Variants in WIPF1 observed in about 807,000 individuals in gnomAD.
WIPF1 encodes WAS/WASL interacting protein family member 1.
Under a neutral mutation model 35.4 loss-of-function variants are expected in WIPF1, and 13 were observed. The ratio of observed to expected loss-of-function variants is 0.37; its 90% confidence interval spans 0.24 to 0.58. The LOEUF (loss-of-function observed/expected upper bound fraction) is 0.58. Ranked by LOEUF, WIPF1 falls within the 20% of genes least tolerant of loss-of-function variation. The pLI, the probability that WIPF1 is intolerant of heterozygous loss-of-function variation, is 0.74. For synonymous variants in WIPF1, 267 were observed against 266.3 expected (o/e 1.00, Z -0.02); for missense variants, 591 against 667.0 (o/e 0.89, Z 1.25).
chr2:174,660,358 T>C (rs76617666), intron 1 of WIPF1, among the ~76,000 whole-genome samples: 4,950 of 152,322 alleles, frequency 0.032, 109 homozygotes, highest in Non-Finnish European at 0.05. Context: ...TTTCTCCATC[T>C]GTAAAATAAT....
chr2:174,585,500 G>C, intron 2 of WIPF1, 23 bp downstream of exon 2: 1 of 1,520,940 alleles, frequency 6.6e-7, no homozygotes, highest in Non-Finnish European at 8.9e-7. Flanking sequence ...TGCATAGAAA[G>C]TGTTTGGGGA....
intron 1 of WIPF1, among the ~76,000 whole-genome samples, chr2:174,650,097 C>T (rs962734197): frequency 6.6e-6 from 1 of 152,156 alleles, no homozygotes; most frequent in Non-Finnish European, 1.5e-5. Context: ...GCAGTGAGCA[C>T]CTCAGAAAGA....
intron 1 of WIPF1, chr2:174,587,425 A>G (rs1482053170): frequency 1.3e-5 from 2 of 152,184 alleles, no homozygotes; most frequent in Non-Finnish European, 2.9e-5. Flanking sequence ...AACCTAAACA[A>G]ATACTTTCTA....
At position 174,568,007 on chromosome 2, in the gene WIPF1, G is replaced by C. The variant is rs1684716723; in HGVS notation, c.1196C>G (p.Pro399Arg). 23 of 1,613,992 alleles carry C rather than the reference G, an allele frequency of 1.4e-5. No homozygotes were observed. In the East Asian group the frequency reaches 2.2e-4, roughly 16 times the overall value. Reference sequence around the variant, plus strand: ...TACTCCACTCCTGGATGGCAACTGAGGGGTAGCAGGCAGGGCCCGAGATGT... The same window carrying C: ...TACTCCACTCCTGGATGGCAACTGACGGGTAGCAGGCAGGGCCCGAGATGT... The part of the protein sequence containing the change: ...GSTSRALPAT[P>R]QLPSRSGVDS... The change falls in exon 6 of 8, where the codon CCT (proline) becomes CGT (arginine). Residue 399 changes from proline (P) to arginine (R), a missense_variant. By Grantham distance (103) the Pro-to-Arg change is moderately radical. Coordinates refer to ENST00000679041, the MANE Select transcript of WIPF1 (RefSeq NM_001375834.1).
chr2:174,581,435 T>C lies in WIPF1; in HGVS notation c.56A>G (p.Asn19Ser), dbSNP rs369103774. ...PPPPPTFALANTEKPTLNKTE... is the reference protein window; with the variant it reads ...PPPPPTFALASTEKPTLNKTE... ...CTTATTCAAGGTAGGCTTCTCTGTATTGGCCTGAAAGGGAGCCATACAAAC... is the reference window on the plus strand; with the variant it reads ...CTTATTCAAGGTAGGCTTCTCTGTACTGGCCTGAAAGGGAGCCATACAAAC... The change falls in exon 3 of 8, where the codon AAT (asparagine) becomes AGT (serine). Residue 19 changes from asparagine (N) to serine (S), a missense_variant. Asn to Ser is a conservative substitution (Grantham distance 46). Coordinates refer to ENST00000679041, the MANE Select transcript of WIPF1 (RefSeq NM_001375834.1). 85 of 1,613,810 alleles carry C rather than the reference T, an allele frequency of 5.3e-5. No individual in the cohort carries two copies. In the East Asian group the frequency reaches 7.1e-4, roughly 14 times the overall value.
chr2:174,591,673 TACACACACAC>T (rs71407131), intron 1 of WIPF1, among the ~76,000 whole-genome samples: 21 of 146,818 alleles, frequency 1.4e-4, no homozygotes, highest in African/African-American at 3.8e-4. Flanking sequence ...CTTTGTTGCT[TACACACACAC>T]ACACACACAC....
chr2:174,571,941 C>T lies in WIPF1; in HGVS notation c.864G>A (p.Gln288=), dbSNP rs1052917202. The part of the protein sequence containing the change: ...HREAVPPPPP[Q]NNKPPVPSTP... ...TGGAAGGCACTGGAGGCTTGTTGTT[C>T]TGAGGAGGAGGAGGGGGAACCGCTT... The change falls in exon 5 of 8, where the codon CAG becomes CAA. Residue 288 remains glutamine (Q), a synonymous_variant. Transcript: ENST00000679041. This position sits in a 1 kb window ranked among gnomAD's most constrained non-coding sequence, Gnocchi z 4.6. 2 of 1,591,004 alleles carry T rather than the reference C, an allele frequency of 1.3e-6. No individual in the cohort carries two copies. Among genetic ancestry groups the T allele is most frequent in the South Asian group, 1.1e-5 (1 of 87,220 alleles).
chr2:174,620,922 A>C (rs1686653967), intron 1 of WIPF1, among the ~76,000 whole-genome samples: 1 of 152,194 alleles, frequency 6.6e-6, no homozygotes, highest in Non-Finnish European at 1.5e-5. Flanking sequence ...GGCTGCTGTC[A>C]CATGTGGCTA....
intron 1 of WIPF1, among the ~76,000 whole-genome samples, chr2:174,608,054 C>A (rs1209432899): frequency 2.0e-5 from 3 of 152,078 alleles, no homozygotes; most frequent in African/African-American, 7.3e-5. Flanking sequence ...AACAGGTTGA[C>A]ACAAGACAGC....
upstream of WIPF1, among the ~76,000 whole-genome samples, chr2:174,601,997 C>T (rs1438829084): frequency 3.3e-5 from 5 of 152,086 alleles, no homozygotes; most frequent in African/African-American, 4.8e-5. Flanking sequence ...GGCTGTGATG[C>T]GGATGGGAGA....
intron 1 of WIPF1, among the ~76,000 whole-genome samples, chr2:174,678,114 GGAAA>G (rs1688174016): frequency 1.3e-5 from 2 of 151,882 alleles, no homozygotes; most frequent in South Asian, 4.2e-4. Flanking sequence ...AAGAAAGAAA[GGAAA>G]GAAAGATATT....
intron 1 of WIPF1, among the ~76,000 whole-genome samples, chr2:174,664,624 A>G (rs1189733913): frequency 6.6e-6 from 1 of 152,200 alleles, no homozygotes; most frequent in African/African-American, 2.4e-5. Flanking sequence ...GGCCCACACC[A>G]CTTTGACTTC....
intron 1 of WIPF1, among the ~76,000 whole-genome samples, chr2:174,650,776 C>T (rs1032619382): frequency 3.3e-5 from 5 of 152,214 alleles, no homozygotes; most frequent in African/African-American, 7.2e-5. Context: ...ATTCAATGTG[C>T]GCATGAGCTC....
rs997953114 is a variant in WIPF1 at position 174,622,895 on chromosome 2, C to T, written c.-38-37284G>A. Among the ~76,000 whole-genome samples the T allele has an allele frequency of 6.6e-6, 1 of 152,190 alleles. No individual in the cohort carries two copies. Among genetic ancestry groups the T allele is most frequent in the Non-Finnish European group, 1.5e-5 (1 of 68,046 alleles). Reference sequence around the variant, plus strand: ...AAGGCAGAGGCAACTACAACACCTACCATAATGCCCTCCTAAGAGGTGTTC... The same window carrying T: ...AAGGCAGAGGCAACTACAACACCTATCATAATGCCCTCCTAAGAGGTGTTC... On this transcript the variant is annotated intron_variant, in intron 1 of 8. Coordinates refer to the WIPF1 transcript ENST00000272746. The surrounding 1 kb of genome is among the most constrained non-coding windows in gnomAD (Gnocchi z 5.1).
chr2:174,616,760 C>G (rs1686518115), intron 1 of WIPF1, among the ~76,000 whole-genome samples: 1 of 152,118 alleles, frequency 6.6e-6, no homozygotes, highest in African/African-American at 2.4e-5. Flanking sequence ...GTGGCAACTG[C>G]TACCAAAATT....
intron 1 of WIPF1, among the ~76,000 whole-genome samples, chr2:174,630,114 C>T (rs1686973811): frequency 6.6e-6 from 1 of 152,200 alleles, no homozygotes; most frequent in African/African-American, 2.4e-5. Flanking sequence ...CATACACACA[C>T]GTATATTTGT....
chr2:174,610,309 C>T (rs1039114879), intron 1 of WIPF1, among the ~76,000 whole-genome samples: 8 of 152,122 alleles, frequency 5.3e-5, no homozygotes, highest in Non-Finnish European at 7.4e-5. Context: ...CTTTCTGCTC[C>T]GTGTTGACTC....
At chr2:174,655,605 T>A (rs1687623541) in intron 1 of WIPF1, 1 of 152,276 alleles carries the variant, frequency 6.6e-6, no homozygotes, top group African/African-American at 2.4e-5. Context: ...TCTCTTGGCC[T>A]AGGAGCATGT....
Position 174,572,004 on chromosome 2 carries a change from T to G in WIPF1, c.801A>C (p.Pro267=), listed in dbSNP as rs1574791371. ...SRALDDKPPP[P]PPPVGNRPSI... is the part of the protein sequence containing the mutation. ...AGGGCCTGTTGCCCACTGGAGGAGG[T>G]GGTGGAGGGGGTTTGTCATCCAAGG... is the stretch of plus-strand genomic sequence containing the variant. Residue 267 remains proline (P), a synonymous_variant, in exon 5 of 8, where the codon CCA becomes CCC. Coordinates refer to ENST00000679041, the MANE Select transcript of WIPF1 (RefSeq NM_001375834.1). 1 of 1,538,150 alleles carries G rather than the reference T, an allele frequency of 6.5e-7. No homozygotes were observed. The highest frequency in any genetic ancestry group is 1.4e-5 in the African/African-American group (1 of 70,510).
Sources: allele counts gnomAD v4.1 joint callset (sites outside exome capture counted in the v4.1 genomes callset), GRCh38; gene constraint gnomAD v4.1.1; non-coding constraint Gnocchi (gnomAD v3.1); transcripts MANE v1.5; gene names NCBI Gene and HGNC (gene_info 2026-07-23, HGNC 2026-07-21).